MYO1E: variants seen among roughly 807,000 people sequenced by gnomAD.
MYO1E encodes the protein unconventional myosin-Ie.
A neutral mutation model predicts 151.1 loss-of-function variants in MYO1E; 68 were observed. The observed-to-expected ratio is 0.45, with a 90% CI of 0.37 to 0.55. MYO1E has a LOEUF of 0.55. Ranked by LOEUF, MYO1E falls within the 20% of genes least tolerant of loss-of-function variation. The pLI, the probability that MYO1E is intolerant of heterozygous loss-of-function variation, is 0.00. For missense variants in MYO1E, 1,363 were observed against 1,389.3 expected (o/e 0.98, Z 0.30); for synonymous variants, 601 against 501.7 (o/e 1.20, Z -2.64).
intron 1 of MYO1E, among the ~76,000 whole-genome samples, chr15:59,352,679 G>C (rs2080829915): frequency 1.3e-5 from 2 of 152,162 alleles, no homozygotes; most frequent in South Asian, 4.1e-4. Context: ...ACAAATGCTG[G>C]ATGATATAGA....
At chr15:59,207,601 T>G (rs776712456) in intron 14 of MYO1E, 1 of 1,614,170 alleles carries the variant, frequency 6.2e-7, no homozygotes, top group East Asian at 2.2e-5. Context: ...TCGTTTTCGT[T>G]TCTTGATTGG....
chr15:59,325,237 T>C (rs932204693), intron 1 of MYO1E, among the ~76,000 whole-genome samples: 1 of 152,202 alleles, frequency 6.6e-6, no homozygotes, highest in Non-Finnish European at 1.5e-5. Flanking sequence ...GGTTTCACCA[T>C]GTTGGCCAGG....
At chr15:59,216,403 A>G (rs2079914441) in intron 10 of MYO1E, among the ~76,000 whole-genome samples, 1 of 151,906 alleles carries the variant, frequency 6.6e-6, no homozygotes, top group Admixed American at 6.6e-5. Context: ...TCAGAACAGT[A>G]TCTGGGCACT....
intron 1 of MYO1E, among the ~76,000 whole-genome samples, chr15:59,291,952 C>T (rs7164076): frequency 0.023 from 3,468 of 152,114 alleles, 134 homozygotes; most frequent in African/African-American, 0.077. Context: ...TAAAAAGTTT[C>T]CTTCCAACTC....
chr15:59,235,961 T>A (rs2080060116), intron 5 of MYO1E, among the ~76,000 whole-genome samples: 1 of 152,198 alleles, frequency 6.6e-6, no homozygotes, highest in Non-Finnish European at 1.5e-5. Context: ...TAATTTATAT[T>A]TCCTTTTCTA....
intron 24 of MYO1E, among the ~76,000 whole-genome samples, chr15:59,160,161 A>AT (rs2140310078): frequency 6.6e-6 from 1 of 152,154 alleles, no homozygotes; most frequent in South Asian, 2.1e-4. Flanking sequence ...TATATAAGGC[A>AT]TCTTCATGTG....
chr15:59,154,204 T>C (rs753925351), intron 25 of MYO1E, among the ~76,000 whole-genome samples: 3 of 152,140 alleles, frequency 2.0e-5, no homozygotes, highest in South Asian at 2.1e-4. Context: ...AGAAAAATTA[T>C]GAGATTATGA....
chr15:59,326,891 C>T (rs1359083909), intron 1 of MYO1E, among the ~76,000 whole-genome samples: 1 of 152,150 alleles, frequency 6.6e-6, no homozygotes, highest in Non-Finnish European at 1.5e-5. Context: ...AAGACCTGCC[C>T]CCTGCCCCCG....
intron 26 of MYO1E, among the ~76,000 whole-genome samples, chr15:59,142,298 A>C (rs2079414903): frequency 6.6e-6 from 1 of 152,122 alleles, no homozygotes; most frequent in African/African-American, 2.4e-5. Flanking sequence ...TAGTGTCCTT[A>C]GTGTAGACTG....
In MYO1E at chr15:59,243,896, G is replaced by A. The variant is rs370353211; in HGVS notation, c.333-7224C>T. 2.0e-4 allele frequency among the ~76,000 whole-genome samples: 30 copies of A among 151,932 alleles called. No individual in the cohort carries two copies. The East Asian group carries it at 4.8e-3, about 24-fold the overall frequency. On this transcript the variant is annotated intron_variant, in intron 4 of 27. Transcript: ENST00000288235. ...TCCAATGGCTCAATTCACAGACTCC[G>A]CTTCCTGGCAGCCCTACTAGATCTG...
At chr15:59,372,391 T>G (rs939786335) in intron 1 of MYO1E, 107 bp downstream of exon 1, 1 of 1,389,080 alleles carries the variant, frequency 7.2e-7, no homozygotes, top group East Asian at 2.5e-5. Flanking sequence ...CGCGTCCACC[T>G]TCTCCACCCC....
chr15:59,145,048 G>T (rs542704864), intron 26 of MYO1E, among the ~76,000 whole-genome samples: 52 of 152,186 alleles, frequency 3.4e-4, no homozygotes, highest in African/African-American at 1.2e-3. Context: ...TCTCCATGTT[G>T]GTCAGGCTGG....
chr15:59,284,511 G>A (rs907807064), intron 1 of MYO1E, among the ~76,000 whole-genome samples: 5 of 151,114 alleles, frequency 3.3e-5, no homozygotes, highest in South Asian at 2.1e-4. Flanking sequence ...GTGCTGTGGC[G>A]CAAACATAGC....
At chr15:59,296,756 T>C (rs904119039) in intron 1 of MYO1E, among the ~76,000 whole-genome samples, 7 of 151,886 alleles carry the variant, frequency 4.6e-5, no homozygotes, top group South Asian at 2.1e-4. Context: ...TGCAGGACAA[T>C]GAAGGTAGGG....
intron 1 of MYO1E, among the ~76,000 whole-genome samples, chr15:59,275,974 G>GCCAC (rs1366647568): frequency 2.0e-5 from 3 of 152,288 alleles, no homozygotes; most frequent in Non-Finnish European, 4.4e-5. Flanking sequence ...AGTTACATGG[G>GCCAC]CGGTGTGGTG....
intron 3 of MYO1E, among the ~76,000 whole-genome samples, chr15:59,259,223 A>G (rs1566994569): frequency 6.6e-6 from 1 of 152,202 alleles, no homozygotes; most frequent in African/African-American, 2.4e-5. Flanking sequence ...GAAATAACAG[A>G]ACAGTAGGGT....
chr15:59,340,220 G>C (rs765929266), intron 1 of MYO1E, among the ~76,000 whole-genome samples: 5 of 152,002 alleles, frequency 3.3e-5, no homozygotes, highest in Admixed American at 6.6e-5. Context: ...AGAAGCATGA[G>C]GATCGCTTGA....
intron 1 of MYO1E, among the ~76,000 whole-genome samples, chr15:59,272,898 T>TC (rs1566998589): frequency 6.6e-6 from 1 of 152,076 alleles, no homozygotes; most frequent in Non-Finnish European, 1.5e-5. Context: ...TTTCTAGTCT[T>TC]GTTTTGCAAA....
intron 23 of MYO1E, 142 bp downstream of exon 23, chr15:59,163,015 A>G (rs1227975415): frequency 1.1e-6 from 1 of 870,884 alleles, no homozygotes; most frequent in Non-Finnish European, 1.8e-6. Flanking sequence ...TGTCTTCTGC[A>G]GGCTCTAAGG....
Sources: gnomAD v4.1 joint callset for allele counts (sites outside exome capture counted in the v4.1 genomes callset) on GRCh38, gnomAD v4.1.1 for gene constraint, MANE v1.5 for transcripts, NCBI Gene and HGNC (gene_info 2026-07-23, HGNC 2026-07-21) for gene names.